Variants in ARHGAP12 observed in about 807,000 individuals in gnomAD.
ARHGAP12 encodes rho GTPase-activating protein 12.
ARHGAP12 carries 64 observed loss-of-function variants against 108.6 expected under a neutral mutation model. That is an observed-to-expected ratio of 0.59 (90% CI 0.48 to 0.73). ARHGAP12 has a LOEUF of 0.73. Among genes scored for constraint, ARHGAP12 ranks in the 30% least tolerant of loss-of-function variants. The probability of loss-of-function intolerance (pLI) is 0.00; values close to 1 mark genes in which losing one functional copy is unlikely to be tolerated. For missense variants in ARHGAP12, 940 were observed against 1,005.9 expected (o/e 0.93, Z 0.89); for synonymous variants, 312 against 337.2 (o/e 0.93, Z 0.82).
chr10:31,875,821 A>C (rs1837707611), intron 3 of ARHGAP12, among the ~76,000 whole-genome samples: 1 of 151,962 alleles, frequency 6.6e-6, no homozygotes, highest in Admixed American at 6.6e-5. Context: ...GAAACTCCAT[A>C]CTCACTAAAC....
intron 3 of ARHGAP12, among the ~76,000 whole-genome samples, chr10:31,897,565 T>C (rs1369667350): frequency 6.6e-6 from 1 of 151,868 alleles, no homozygotes; most frequent in East Asian, 1.9e-4. Flanking sequence ...CTAAGGAAAA[T>C]CTCTTAGAGA....
chr10:31,825,665 T>A (rs1246021205), intron 11 of ARHGAP12, among the ~76,000 whole-genome samples: 1 of 152,276 alleles, frequency 6.6e-6, no homozygotes, highest in African/African-American at 2.4e-5. Context: ...ATATACACAA[T>A]CCTCTGCACT....
Position 31,806,483 on chromosome 10 carries a change from T to C in ARHGAP12, c.*1175A>G, listed in dbSNP as rs954091848. 1 of 152,632 alleles carries C rather than the reference T, an allele frequency of 6.6e-6. No homozygotes were observed. The highest frequency in any genetic ancestry group is 1.5e-5 in the Non-Finnish European group (1 of 68,024). 9.5% of individuals were successfully genotyped at this position (152,632 alleles called of 1,614,324 possible). A position where few individuals can be genotyped will look rare whatever the true frequency, so the allele number is the denominator to read the frequency against. Reference sequence around the variant, plus strand: ...AAAAAGAAATTCTCAAATTTAGCAATGTCATTTTCCATCCAACATCCATCT... The same window carrying C: ...AAAAAGAAATTCTCAAATTTAGCAACGTCATTTTCCATCCAACATCCATCT... On this transcript the variant is annotated 3_prime_UTR_variant, in exon 20 of 20. Coordinates refer to ENST00000344936, the MANE Select transcript of ARHGAP12 (RefSeq NM_018287.7).
At chr10:31,860,458 G>A (rs947356342) in intron 4 of ARHGAP12, among the ~76,000 whole-genome samples, 3 of 152,210 alleles carry the variant, frequency 2.0e-5, no homozygotes, top group Admixed American at 1.3e-4. Flanking sequence ...ACTGAGATAA[G>A]TGTTTCTAAA....
At chr10:31,928,356 T>G (rs1275622953) in intron 1 of ARHGAP12, among the ~76,000 whole-genome samples, 8 of 149,936 alleles carry the variant, frequency 5.3e-5, no homozygotes, top group Admixed American at 2.6e-4. Context: ...GGGCGGGCGC[T>G]GCCCTCACAC....
chr10:31,921,882 C>A (rs1447503105), intron 1 of ARHGAP12, among the ~76,000 whole-genome samples: 2 of 150,638 alleles, frequency 1.3e-5, no homozygotes, highest in Non-Finnish European at 3.0e-5. Flanking sequence ...GAAACCAGAG[C>A]CTGGTTCTTT....
intron 1 of ARHGAP12, among the ~76,000 whole-genome samples, chr10:31,921,886 GTTCT>G (rs1055547168): frequency 4.0e-5 from 6 of 151,476 alleles, no homozygotes; most frequent in African/African-American, 1.5e-4. Flanking sequence ...CCAGAGCCTG[GTTCT>G]TTAAGAGCAG....
At chr10:31,873,000 G>A (rs1360735745) in intron 3 of ARHGAP12, among the ~76,000 whole-genome samples, 1 of 152,094 alleles carries the variant, frequency 6.6e-6, no homozygotes, top group Non-Finnish European at 1.5e-5. Flanking sequence ...TCTTTGAAAT[G>A]TTCCCCTGTT....
At chr10:31,838,659 G>T (rs946904159) in intron 9 of ARHGAP12, among the ~76,000 whole-genome samples, 1 of 151,748 alleles carries the variant, frequency 6.6e-6, no homozygotes, top group Admixed American at 6.6e-5. Flanking sequence ...GCGAAACCCC[G>T]TCTCTACTAA....
chr10:31,859,944 G>A (rs1004858738), intron 4 of ARHGAP12, among the ~76,000 whole-genome samples: 3 of 151,902 alleles, frequency 2.0e-5, no homozygotes, highest in East Asian at 1.9e-4. Context: ...ACAGGTGCCC[G>A]CCACCACGCC....
intron 16 of ARHGAP12, chr10:31,809,532 C>T (rs1001898995): frequency 6.1e-6 from 3 of 489,408 alleles, no homozygotes; most frequent in African/African-American, 2.0e-5. Flanking sequence ...CTACTCTGCT[C>T]ATCATATAGA....
At position 31,812,752 on chromosome 10, in the gene ARHGAP12, G is replaced by A. The variant is rs774749812; in HGVS notation, c.1906C>T (p.Arg636Ter). 1.2e-6 allele frequency: 2 copies of A among 1,608,446 alleles called. No individual in the cohort carries two copies. Among genetic ancestry groups the A allele is most frequent in the Non-Finnish European group, 1.7e-6 (2 of 1,178,370 alleles). Residue 636 changes from arginine to a stop codon, truncating the protein, a stop_gained, in exon 15 of 20, where the codon CGA (arginine) becomes TGA (stop). Transcript: ENST00000344936. LOFTEE classifies it high-confidence loss of function. ...CGAACAGCTTGCAAAGTGGGGCGTC[G>A]TGTAAGAAACTTCTTTAAGTTTTTC... ...TKKNLKKFLTRRPTLQAVREK... is the reference protein window; with the variant it reads ...TKKNLKKFLT
At chr10:31,904,942 T>C (rs568539955) in intron 3 of ARHGAP12, among the ~76,000 whole-genome samples, 23 of 152,246 alleles carry the variant, frequency 1.5e-4, no homozygotes, top group African/African-American at 4.8e-4. Flanking sequence ...AATTATTTCT[T>C]GCAACTGCTT....
chr10:31,818,599 C>T (rs1440861960), intron 12 of ARHGAP12, among the ~76,000 whole-genome samples: 1 of 151,926 alleles, frequency 6.6e-6, no homozygotes, highest in African/African-American at 2.4e-5. Context: ...GATTTTTTTT[C>T]CTAGAGGAAG....
At chr10:31,838,025 T>C (rs1164836600) in intron 9 of ARHGAP12, among the ~76,000 whole-genome samples, 1 of 152,170 alleles carries the variant, frequency 6.6e-6, no homozygotes, top group Non-Finnish European at 1.5e-5. Context: ...TGACAAGTTA[T>C]TTTATGTAAT....
Position 31,854,188 on chromosome 10 carries a change from T to A in ARHGAP12, c.967A>T (p.Asn323Tyr). ...TGGCTGTAAGAAGTGCTGTAGTAGTTTTCTTCCGATGAAAGAAGCTACAAA... is the reference window on the plus strand; with the variant it reads ...TGGCTGTAAGAAGTGCTGTAGTAGTATTCTTCCGATGAAAGAAGCTACAAA... ...GDQELLSSEENYYSTSYSQSD... is the reference protein window; with the variant it reads ...GDQELLSSEEYYYSTSYSQSD... Residue 323 changes from asparagine to tyrosine, a missense_variant, in exon 5 of 20, where the codon AAC becomes TAC. Physicochemically the swap from Asn to Tyr is moderately radical, Grantham distance 143. Transcript: ENST00000344936. The A allele has an allele frequency of 6.2e-7, 1 of 1,607,248 alleles. No individual in the cohort carries two copies. Among genetic ancestry groups the A allele is most frequent in the African/African-American group, 1.3e-5 (1 of 74,720 alleles).
At chr10:31,830,010 CAAAAAAATGTAAA>C (rs1835771866) in intron 10 of ARHGAP12, among the ~76,000 whole-genome samples, 2 of 151,716 alleles carry the variant, frequency 1.3e-5, no homozygotes, top group African/African-American at 2.4e-5. Flanking sequence ...TAAAGATTTA[CAAAAAAATGTAAA>C]ACAATGCCTC....
chr10:31,829,654 G>T (rs561457422), intron 10 of ARHGAP12, among the ~76,000 whole-genome samples: 1 of 152,276 alleles, frequency 6.6e-6, no homozygotes, highest in Non-Finnish European at 1.5e-5. Flanking sequence ...CAAAGTTAGT[G>T]AACTAGTATT....
chr10:31,826,350 C>A lies in ARHGAP12; in HGVS notation c.1484G>T (p.Gly495Val). The change falls in exon 11 of 20, where the codon GGT becomes GTT. Residue 495 changes from glycine (G) to valine (V), a missense_variant. Physicochemically the swap from Gly to Val is moderately radical, Grantham distance 109. Coordinates refer to ENST00000344936, the MANE Select transcript of ARHGAP12 (RefSeq NM_018287.7). ...AGTTTTGGTAAAAAGTAAAGATGAA[C>A]CCTGCAACACCGCCCAAGAAGACAA... Reference protein sequence around the residue: ...NWLSSWAVLQGSSLLFTKTQG... With the variant: ...NWLSSWAVLQVSSLLFTKTQG... 5.6e-6 allele frequency: 9 copies of A among 1,612,282 alleles called. No homozygotes were observed. Among genetic ancestry groups the A allele is most frequent in the Non-Finnish European group, 6.8e-6 (8 of 1,179,044 alleles).
Sources: allele counts gnomAD v4.1 joint callset (sites outside exome capture counted in the v4.1 genomes callset), GRCh38; gene constraint gnomAD v4.1.1; transcripts MANE v1.5; gene names NCBI Gene and HGNC (gene_info 2026-07-23, HGNC 2026-07-21).